LARP4B: variants seen among roughly 807,000 people sequenced by gnomAD.
LARP4B encodes the protein La ribonucleoprotein 4B, also known as la-related protein 4B.
A neutral mutation model predicts 89.8 loss-of-function variants in LARP4B; 12 were observed. The ratio of observed to expected loss-of-function variants is 0.13; its 90% confidence interval spans 0.09 to 0.22. The LOEUF (loss-of-function observed/expected upper bound fraction) is 0.22. LARP4B is among the 10% of genes least tolerant of loss of function. The pLI is 1.00. For missense variants in LARP4B, 757 were observed against 947.7 expected (o/e 0.80, Z 2.64); for synonymous variants, 367 against 363.3 (o/e 1.01, Z -0.12).
chr10:987,367 G>A, the LARP4B span: 3 of 152,240 alleles, frequency 2.0e-5, no homozygotes, highest in Admixed American at 6.5e-5. Flanking sequence ...AGAATAATAG[G>A]ACTTGTTTAA....
the LARP4B span, among the ~76,000 whole-genome samples, chr10:969,447 AGGCTCGGC>A: frequency 6.6e-6 from 1 of 152,108 alleles, no homozygotes; most frequent in Admixed American, 6.6e-5. Flanking sequence ...TTAGGAGAAA[AGGCTCGGC>A]ACGGTGGCTC....
rs1831957979 is a variant in LARP4B at position 815,022 on chromosome 10, T to C, written c.1744A>G (p.Arg582Gly). Residue 582 changes from arginine (R) to glycine (G), a missense_variant, in exon 16 of 18, where the codon AGA becomes GGA. This residue lies in a region of LARP4B where 387 missense variants were observed against 423.6 expected (regional missense o/e 0.91). Transcript: ENST00000316157. ...SVNTLPVVVSREPSVPASCAV... is the reference protein window; with the variant it reads ...SVNTLPVVVSGEPSVPASCAV... Reference sequence around the variant, plus strand: ...CAAGAAGCCGGCACCGAGGGCTCTCTGGAGACCACTACAGGAAGGGTGTTC... The same window carrying C: ...CAAGAAGCCGGCACCGAGGGCTCTCCGGAGACCACTACAGGAAGGGTGTTC... 2 of 1,608,596 alleles carry C rather than the reference T, an allele frequency of 1.2e-6. No homozygotes were observed. Among genetic ancestry groups the C allele is most frequent in the Non-Finnish European group, 1.7e-6 (2 of 1,176,692 alleles).
At chr10:961,096 T>G in the LARP4B span, among the ~76,000 whole-genome samples, 1 of 152,214 alleles carries the variant, frequency 6.6e-6, no homozygotes, top group Non-Finnish European at 1.5e-5. Context: ...CTACCTAAGT[T>G]CTGTGTCCAG....
intron 8 of LARP4B, among the ~76,000 whole-genome samples, chr10:834,196 G>A (rs942544784): frequency 6.6e-6 from 1 of 152,322 alleles, no homozygotes; most frequent in East Asian, 1.9e-4. Context: ...ACGGTTTCCA[G>A]GGATTCTAAT....
intron 7 of LARP4B, among the ~76,000 whole-genome samples, chr10:838,336 T>C (rs781504320): frequency 2.6e-5 from 4 of 152,136 alleles, no homozygotes; most frequent in Admixed American, 6.5e-5. Context: ...TGAGAAGCCA[T>C]TGACTGATGG....
chr10:838,971 G>A (rs1420384019), intron 7 of LARP4B, among the ~76,000 whole-genome samples: 1 of 152,138 alleles, frequency 6.6e-6, no homozygotes, highest in African/African-American at 2.4e-5. Context: ...AGACATGGAG[G>A]AACCTTCAAC....
chr10:825,600 G>A (rs1733098970), intron 12 of LARP4B, among the ~76,000 whole-genome samples, 164 bp downstream of exon 12: 1 of 152,226 alleles, frequency 6.6e-6, no homozygotes, highest in African/African-American at 2.4e-5. Context: ...TCTGAGGCGG[G>A]CACCCATGCC....
At chr10:840,843 T>A (rs1833488487) in intron 7 of LARP4B, among the ~76,000 whole-genome samples, 1 of 152,200 alleles carries the variant, frequency 6.6e-6, no homozygotes, top group South Asian at 2.1e-4. Flanking sequence ...CTAGGTAATT[T>A]GGGCACAAGA....
At chr10:984,671 G>A in the LARP4B span, among the ~76,000 whole-genome samples, 1 of 152,160 alleles carries the variant, frequency 6.6e-6, no homozygotes. Context: ...GACAGCATAT[G>A]ACCCCAAGTG....
chr10:853,659 A>T (rs1022011656), intron 5 of LARP4B, among the ~76,000 whole-genome samples: 15 of 152,226 alleles, frequency 9.9e-5, no homozygotes, highest in Non-Finnish European at 4.4e-5. Flanking sequence ...ACTCCAGCCT[A>T]AGTGACGGAG....
At chr10:928,716 G>C (rs945036730) in intron 1 of LARP4B, among the ~76,000 whole-genome samples, 3 of 152,096 alleles carry the variant, frequency 2.0e-5, no homozygotes, top group African/African-American at 4.8e-5. Flanking sequence ...CCAACAGCTG[G>C]ACTACAGGTG....
chr10:949,492 C>T, the LARP4B span, among the ~76,000 whole-genome samples: 1 of 152,010 alleles, frequency 6.6e-6, no homozygotes, highest in African/African-American at 2.4e-5. Context: ...TACCATCTTA[C>T]ATCCCACGAG....
chr10:959,245 C>T, the LARP4B span, among the ~76,000 whole-genome samples: 1 of 152,122 alleles, frequency 6.6e-6, no homozygotes, highest in East Asian at 1.9e-4. Flanking sequence ...CGTATTCTCC[C>T]CTAGTGATGC....
chr10:889,002 C>G (rs1835941813), intron 1 of LARP4B, among the ~76,000 whole-genome samples: 1 of 152,074 alleles, frequency 6.6e-6, no homozygotes, highest in Non-Finnish European at 1.5e-5. Flanking sequence ...GGAGGACCAC[C>G]TGAGCCCAGG....
intron 3 of LARP4B, among the ~76,000 whole-genome samples, chr10:868,378 T>TAAAA (rs35215345): frequency 0.022 from 2,760 of 123,360 alleles, 53 homozygotes; most frequent in Admixed American, 0.062. Flanking sequence ...AAGATTTGCT[T>TAAAA]AAAAAAAAAA....
Position 884,496 on chromosome 10 carries a change from G to T in LARP4B, c.92C>A (p.Pro31His). 1 of 1,600,978 alleles carries T rather than the reference G, an allele frequency of 6.2e-7. No homozygotes were observed. Among genetic ancestry groups the T allele is most frequent in the Non-Finnish European group, 8.6e-7 (1 of 1,168,424 alleles). ...GKDSAHLMNGPISQTTSQTSS... is the reference protein window; with the variant it reads ...GKDSAHLMNGHISQTTSQTSS... ...TGTCTGAGAAGTGGTTTGAGATATA[G>T]GACCATTCATCTGTAAAATTGAAAA... The change falls in exon 3 of 18, where the codon CCT becomes CAT. Residue 31 changes from proline to histidine, a missense_variant. Pro to His is a moderately conservative substitution (Grantham distance 77, BLOSUM62 -2). Transcript: ENST00000316157.
chr10:895,733 A>G (rs1225926591), intron 1 of LARP4B, among the ~76,000 whole-genome samples: 1 of 152,022 alleles, frequency 6.6e-6, no homozygotes, highest in Admixed American at 6.6e-5. Context: ...ATTACTTAAA[A>G]TACTCACAAA....
the LARP4B span, among the ~76,000 whole-genome samples, chr10:938,553 G>C: frequency 6.6e-6 from 1 of 152,252 alleles, no homozygotes; most frequent in East Asian, 1.9e-4. Flanking sequence ...GCGCCCGGCC[G>C]AATTGGTTCA....
At chr10:847,702 G>T (rs966627763) in intron 5 of LARP4B, among the ~76,000 whole-genome samples, 9 of 151,548 alleles carry the variant, frequency 5.9e-5, no homozygotes, top group African/African-American at 1.9e-4. Flanking sequence ...AATTTTTTTT[G>T]GTATTTTTAG....
Sources: gnomAD v4.1 joint callset for allele counts (sites outside exome capture counted in the v4.1 genomes callset) on GRCh38, gnomAD v4.1.1 for gene constraint, gnomAD v4.1.1 regional missense constraint, MANE v1.5 for transcripts, NCBI Gene and HGNC (gene_info 2026-07-23, HGNC 2026-07-21) for gene names.